The following KIRREL3 variants were observed in gnomAD, a reference collection of about 807,000 sequenced individuals.
KIRREL3 encodes the protein kin of IRRE-like protein 3.
In KIRREL3, 36 loss-of-function variants were observed where a neutral mutation model predicts 89.7. The observed-to-expected ratio is 0.40, with a 90% CI of 0.31 to 0.53. The LOEUF (loss-of-function observed/expected upper bound fraction) is 0.53. Ranked by LOEUF, KIRREL3 falls within the 20% of genes least tolerant of loss-of-function variation. The probability of loss-of-function intolerance (pLI) is 0.49; values close to 1 mark genes in which losing one functional copy is unlikely to be tolerated. For synonymous variants in KIRREL3, 445 were observed against 441.4 expected, an observed-to-expected ratio of 1.01 and a Z score of -0.10; for missense variants, 864 against 1,056.6, an observed-to-expected ratio of 0.82 and a Z score of 2.53.
chr11:126,469,699 G>A (rs992987311), intron 5 of KIRREL3, among the ~76,000 whole-genome samples: 7 of 152,228 alleles, frequency 4.6e-5, no homozygotes, highest in Non-Finnish European at 1.0e-4. Context: ...TAGGATGGTG[G>A]ATGACCATGG....
Position 126,463,403 on chromosome 11 carries a change from G to T in KIRREL3, c.592-96C>A. ...TAAACGAGCACCAGCTTAGACAGAA[G>T]GGGGAGCTGTGGATGGAGGGGTTCA... On this transcript the variant is annotated intron_variant, in intron 5 of 16. Transcript: ENST00000525144. This position sits in a 1 kb window ranked among gnomAD's most constrained non-coding sequence, Gnocchi z 5.9. The T allele has an allele frequency of 1.6e-6, 2 of 1,275,746 alleles. No homozygotes were observed. The highest frequency in any genetic ancestry group is 1.1e-6 in the Non-Finnish European group (1 of 917,802). The allele number at this position is 1,275,746 out of a possible 1,614,324, so 79.0% of individuals were successfully genotyped here.
At chr11:126,556,358 T>C (rs938628767) in intron 2 of KIRREL3, among the ~76,000 whole-genome samples, 1 of 152,078 alleles carries the variant, frequency 6.6e-6, no homozygotes, top group Non-Finnish European at 1.5e-5. Flanking sequence ...AAAGGAACTT[T>C]GGCTGGGTGC....
In KIRREL3 at chr11:126,709,024, A is replaced by G. The variant is rs1947651470; in HGVS notation, c.56-146112T>C. ...CCACCCCAGGACAGCTTGTGTTATC[A>G]CGGCCAGGTGGATCTTTCTAGAACA... On this transcript the variant is annotated intron_variant, in intron 1 of 16. Transcript: ENST00000525144. The surrounding 1 kb of genome is among the most constrained non-coding windows in gnomAD (Gnocchi z 4.0). Among the ~76,000 whole-genome samples the G allele has an allele frequency of 6.6e-6, 1 of 152,108 alleles. No individual in the cohort carries two copies. Among genetic ancestry groups the G allele is most frequent in the Non-Finnish European group, 1.5e-5 (1 of 68,032 alleles).
At chr11:126,589,597 T>C (rs192686337) in intron 1 of KIRREL3, among the ~76,000 whole-genome samples, 13 of 152,328 alleles carry the variant, frequency 8.5e-5, no homozygotes, top group African/African-American at 2.9e-4. Flanking sequence ...CACTGGTGCA[T>C]AGTAACACAG....
intron 1 of KIRREL3, among the ~76,000 whole-genome samples, chr11:126,921,747 T>A (rs942582623): frequency 3.0e-4 from 41 of 134,904 alleles, no homozygotes; most frequent in African/African-American, 9.9e-4. Flanking sequence ...TATATCTGTC[T>A]TCTATCTATC....
In KIRREL3 at chr11:126,872,118, A is replaced by T. The variant is rs1945127606; in HGVS notation, c.55+128337T>A. 6.6e-6 allele frequency among the ~76,000 whole-genome samples: 1 copy of T among 152,236 alleles called. No homozygotes were observed. The highest frequency in any genetic ancestry group is 2.4e-5 in the African/African-American group (1 of 41,474). On this transcript the variant is annotated intron_variant, in intron 1 of 16. Coordinates refer to ENST00000525144, the MANE Select transcript of KIRREL3 (RefSeq NM_032531.4). This position sits in a 1 kb window ranked among gnomAD's most constrained non-coding sequence, Gnocchi z 4.2. Reference sequence around the variant, plus strand: ...TGGTAGAAACAAGGTGCAGTGAACAAGCTGGCCAAAACCAGCAGACAGTGA... The same window carrying T: ...TGGTAGAAACAAGGTGCAGTGAACATGCTGGCCAAAACCAGCAGACAGTGA...
At position 126,771,769 on chromosome 11, in the gene KIRREL3, A is replaced by T. The variant is rs1950028278; in HGVS notation, c.56-208857T>A. ...GATCAACCAACATCTTTATTAAAAA[A>T]ACGTTTTCATGTGAAGCCACAGATT... On this transcript the variant is annotated intron_variant, in intron 1 of 16. Transcript: ENST00000525144. The surrounding 1 kb of genome is among the most constrained non-coding windows in gnomAD (Gnocchi z 4.4). Among the ~76,000 whole-genome samples, 1 of 152,276 alleles carries T rather than the reference A, an allele frequency of 6.6e-6. No individual in the cohort carries two copies. The highest frequency in any genetic ancestry group is 1.5e-5 in the Non-Finnish European group (1 of 68,056).
rs1316921253 is a variant in KIRREL3 at position 126,719,082 on chromosome 11, G to A, written c.56-156170C>T. Among the ~76,000 whole-genome samples, 1 of 152,148 alleles carries A rather than the reference G, an allele frequency of 6.6e-6. No individual in the cohort carries two copies. The highest frequency in any genetic ancestry group is 6.5e-5 in the Admixed American group (1 of 15,286). ...CCTCCTGCTATACCTCCTTTGCTGT[G>A]TTCTCTTTTACAGAACTCAGAAGAG... On this transcript the variant is annotated intron_variant, in intron 1 of 16. Coordinates refer to ENST00000525144, the MANE Select transcript of KIRREL3 (RefSeq NM_032531.4). This position sits in a 1 kb window ranked among gnomAD's most constrained non-coding sequence, Gnocchi z 4.7.
At chr11:126,815,857 G>A (rs752166904) in intron 1 of KIRREL3, among the ~76,000 whole-genome samples, 18 of 152,062 alleles carry the variant, frequency 1.2e-4, no homozygotes, top group African/African-American at 2.4e-4. Context: ...TTATCATGAG[G>A]TATATTCCTT....
intron 1 of KIRREL3, among the ~76,000 whole-genome samples, chr11:126,858,930 G>C (rs901913874): frequency 2.2e-4 from 34 of 152,208 alleles, no homozygotes; most frequent in African/African-American, 7.7e-4. Flanking sequence ...GTTTAAACAA[G>C]GCTGAGGTTC....
chr11:126,818,048 G>GTT (rs1406937291), intron 1 of KIRREL3, among the ~76,000 whole-genome samples: 1 of 152,200 alleles, frequency 6.6e-6, no homozygotes, highest in Non-Finnish European at 1.5e-5. Context: ...TATTAGGAAC[G>GTT]TTTCGAGGAT....
At chr11:126,887,992 T>C (rs1290213583) in intron 1 of KIRREL3, among the ~76,000 whole-genome samples, 1 of 152,180 alleles carries the variant, frequency 6.6e-6, no homozygotes, top group Non-Finnish European at 1.5e-5. Context: ...AAATCTTGTA[T>C]TAATGTGGAC....
intron 4 of KIRREL3, among the ~76,000 whole-genome samples, chr11:126,517,036 C>T (rs1958431085): frequency 6.6e-6 from 1 of 151,982 alleles, no homozygotes; most frequent in African/African-American, 2.4e-5. Context: ...CCTCTGCTCT[C>T]CAGCCTGGGC....
At position 126,890,420 on chromosome 11, in the gene KIRREL3, G is replaced by T. The variant is rs1945866699; in HGVS notation, c.55+110035C>A. On this transcript the variant is annotated intron_variant, in intron 1 of 16. Coordinates refer to ENST00000525144, the MANE Select transcript of KIRREL3 (RefSeq NM_032531.4). The surrounding 1 kb of genome is among the most constrained non-coding windows in gnomAD (Gnocchi z 5.1). ...GTGGCCTAATGTGACCTATTATCCAGCAACTCCCATCTATTTCTGAAAACT... is the reference window on the plus strand; with the variant it reads ...GTGGCCTAATGTGACCTATTATCCATCAACTCCCATCTATTTCTGAAAACT... 6.6e-6 allele frequency among the ~76,000 whole-genome samples: 1 copy of T among 152,182 alleles called. No individual in the cohort carries two copies. Among genetic ancestry groups the T allele is most frequent in the Non-Finnish European group, 1.5e-5 (1 of 68,024 alleles).
chr11:126,556,269 G>A (rs142814298), intron 2 of KIRREL3, among the ~76,000 whole-genome samples: 356 of 152,104 alleles, frequency 2.3e-3, no homozygotes, highest in African/African-American at 8.1e-3. Flanking sequence ...GAGGAGGGTG[G>A]GTACAGGAGG....
In KIRREL3 at chr11:126,486,224, C is replaced by T. The variant is rs550516603; in HGVS notation, c.434-12758G>A. On this transcript the variant is annotated intron_variant, in intron 4 of 16. Transcript: ENST00000525144. This position sits in a 1 kb window ranked among gnomAD's most constrained non-coding sequence, Gnocchi z 6.2. ...CGGCTCCAGATGACAGAGGGTGCTACGTGGCCGCCGTCTGCACAGCAAGGG... is the reference window on the plus strand; with the variant it reads ...CGGCTCCAGATGACAGAGGGTGCTATGTGGCCGCCGTCTGCACAGCAAGGG... Among the ~76,000 whole-genome samples, 25 of 152,190 alleles carry T rather than the reference C, an allele frequency of 1.6e-4. No individual in the cohort carries two copies. In the South Asian group the frequency reaches 3.9e-3, roughly 24 times the overall value.
At chr11:126,517,994 G>T (rs1591666081) in intron 4 of KIRREL3, among the ~76,000 whole-genome samples, 2 of 152,322 alleles carry the variant, frequency 1.3e-5, no homozygotes, top group African/African-American at 4.8e-5. Context: ...TTGGCAGCTG[G>T]CTGGGCCACA....
rs1360648734 is a variant in KIRREL3, at chr11:126,614,358, T to C, written c.56-51446A>G. On this transcript the variant is annotated intron_variant, in intron 1 of 16. Coordinates refer to ENST00000525144, the MANE Select transcript of KIRREL3 (RefSeq NM_032531.4). The surrounding 1 kb of genome is among the most constrained non-coding windows in gnomAD (Gnocchi z 4.6). ...TTCCCTCTAAGTAGGTTTGTGACCT[T>C]GGACAACTCACTTCCATTCTTTGCG... is the stretch of plus-strand genomic sequence containing the variant. Among the ~76,000 whole-genome samples the C allele has an allele frequency of 6.6e-6, 1 of 152,132 alleles. No homozygotes were observed. Among genetic ancestry groups the C allele is most frequent in the Non-Finnish European group, 1.5e-5 (1 of 68,020 alleles).
chr11:126,447,005 T>C (rs1272230061), intron 8 of KIRREL3, 119 bp from the exon 9 acceptor site: 1 of 1,243,720 alleles, frequency 8.0e-7, no homozygotes, highest in East Asian at 2.6e-5. Context: ...GTGGGGTACT[T>C]GTGCCACCTC....
Sources: gnomAD v4.1 joint callset for allele counts (sites outside exome capture counted in the v4.1 genomes callset) on GRCh38, gnomAD v4.1.1 for gene constraint, Gnocchi (gnomAD v3.1) non-coding constraint, MANE v1.5 for transcripts, NCBI Gene and HGNC (gene_info 2026-07-23, HGNC 2026-07-21) for gene names.